Variants in CHAT observed in about 807,000 individuals in gnomAD.
CHAT encodes the protein acetyl CoA:choline O-acetyltransferase.
CHAT carries 61 observed loss-of-function variants against 76.9 expected under a neutral mutation model. That is an observed-to-expected ratio of 0.79 (90% CI 0.65 to 0.98). The LOEUF (loss-of-function observed/expected upper bound fraction) is 0.98. Ranked by LOEUF, CHAT falls within the 50% of genes least tolerant of loss-of-function variation. CHAT has a pLI of 0.00. For missense variants in CHAT, 946 were observed against 986.9 expected (o/e 0.96, Z 0.56); for synonymous variants, 407 against 397.4 (o/e 1.02, Z -0.29).
At position 49,656,916 on chromosome 10, in the gene CHAT, A is replaced by G. The variant is rs139980067; in HGVS notation, c.1839+1468A>G. ...TCTTGGTGGAAGAAACTCTTCGCGC[A>G]TGGTGGACTGCACACAGGGTTACTG... On this transcript the variant is annotated intron_variant, in intron 13 of 14. Transcript: ENST00000337653. Among the ~76,000 whole-genome samples the G allele has an allele frequency of 1.8e-3, 269 of 152,256 alleles. 1 individual carries two copies. Among genetic ancestry groups the G allele is most frequent in the African/African-American group, 5.9e-3 (247 of 41,560 alleles).
chr10:49,629,010 GTCCGGCC>G, intron 7 of CHAT, among the ~76,000 whole-genome samples: 1 of 152,404 alleles, frequency 6.6e-6, no homozygotes, highest in South Asian at 2.1e-4. Flanking sequence ...CAGCCCAGGT[GTCCGGCC>G]TCAGGCCTGC....
intron 2 of CHAT, among the ~76,000 whole-genome samples, chr10:49,617,001 C>G (rs1190253084): frequency 6.6e-6 from 1 of 152,196 alleles, no homozygotes; most frequent in Non-Finnish European, 1.5e-5. Flanking sequence ...ACTAGTTCAG[C>G]CTTGGAGCCT....
intron 6 of CHAT, 42 bp from the exon 7 acceptor site, chr10:49,627,566 G>A: frequency 6.2e-7 from 1 of 1,607,196 alleles, no homozygotes; most frequent in Non-Finnish European, 8.5e-7. Context: ...TGGTGCCACG[G>A]GCCACCCAAC....
At chr10:49,638,707 C>A (rs892589716) in intron 7 of CHAT, among the ~76,000 whole-genome samples, 3 of 152,140 alleles carry the variant, frequency 2.0e-5, no homozygotes, top group African/African-American at 7.2e-5. Flanking sequence ...AAGCTTACCA[C>A]CTTTTATTCT....
chr10:49,633,958 G>C lies in CHAT; in HGVS notation c.1111+6173G>C, dbSNP rs1374781944. Among the ~76,000 whole-genome samples, 10 of 152,316 alleles carry C rather than the reference G, an allele frequency of 6.6e-5. No individual in the cohort carries two copies. In the East Asian group the frequency reaches 1.9e-3, roughly 29 times the overall value. ...TTTACAAGAACCACTCAGGATGGGG[G>C]CATTTTGCTATTTACGTATCGTCAT... On this transcript the variant is annotated intron_variant, in intron 7 of 14. Coordinates refer to ENST00000337653, the MANE Select transcript of CHAT (RefSeq NM_020549.5).
chr10:49,626,241 G>T (rs1438773485), intron 6 of CHAT, among the ~76,000 whole-genome samples: 1 of 152,196 alleles, frequency 6.6e-6, no homozygotes, highest in Non-Finnish European at 1.5e-5. Context: ...CTCAGACTGG[G>T]TTCCACAGAG....
At chr10:49,649,894 T>C (rs1451244845) in intron 10 of CHAT, among the ~76,000 whole-genome samples, 7 of 96,314 alleles carry the variant, frequency 7.3e-5, no homozygotes, top group South Asian at 3.4e-4. Context: ...TTTTTTTTTT[T>C]CAGTTTCACC....
chr10:49,632,363 G>T (rs1839154803), intron 7 of CHAT, among the ~76,000 whole-genome samples: 1 of 152,172 alleles, frequency 6.6e-6, no homozygotes, highest in East Asian at 1.9e-4. Flanking sequence ...GTTGCCTAGT[G>T]TGGCTGTTGG....
At chr10:49,640,571 G>C (rs1221423473) in intron 7 of CHAT, among the ~76,000 whole-genome samples, 1 of 152,162 alleles carries the variant, frequency 6.6e-6, no homozygotes, top group Non-Finnish European at 1.5e-5. Context: ...CGGAGGGCTG[G>C]TTATTGCTCA....
At chr10:49,611,901 A>C, upstream of CHAT, 1 of 1,611,596 alleles carries the variant, frequency 6.2e-7, no homozygotes. Flanking sequence ...TGGTCTCACT[A>C]TGCGGCCTCT....
At chr10:49,660,293 T>C (rs1389386027) in intron 13 of CHAT, among the ~76,000 whole-genome samples, 1 of 151,896 alleles carries the variant, frequency 6.6e-6, no homozygotes, top group Non-Finnish European at 1.5e-5. Context: ...ACAAAACAAT[T>C]AGCCAGGTGT....
chr10:49,641,764 T>C (rs1299269752), intron 7 of CHAT, among the ~76,000 whole-genome samples: 1 of 152,174 alleles, frequency 6.6e-6, no homozygotes, highest in Non-Finnish European at 1.5e-5. Context: ...GGGATGGGCA[T>C]GGCATAGAAA....
At chr10:49,614,508 C>A (rs1316219747) in intron 1 of CHAT, 33 bp downstream of exon 1, 5 of 1,479,752 alleles carry the variant, frequency 3.4e-6, no homozygotes, top group Non-Finnish European at 3.6e-6. Flanking sequence ...GCTGGCGGAG[C>A]GCGGTGCCGG....
chr10:49,648,058 A>G, intron 8 of CHAT: 2 of 215,876 alleles, frequency 9.3e-6, no homozygotes, highest in South Asian at 7.8e-5. Flanking sequence ...GTTTGGGGAG[A>G]AGCTCTGTGG....
rs1241478181 is a variant in CHAT at position 49,662,763 on chromosome 10, T to G, written c.1958T>G (p.Phe653Cys). 6.2e-7 allele frequency: 1 copy of G among 1,614,058 alleles called. No homozygotes were observed. The highest frequency in any genetic ancestry group is 1.3e-5 in the African/African-American group (1 of 74,906). Residue 653 changes from phenylalanine to cysteine, a missense_variant, in exon 14 of 15, where the codon TTT (phenylalanine) becomes TGT (cysteine). Physicochemically the swap from Phe to Cys is radical, Grantham distance 205. Around this residue, in one of 3 missense-constraint regions of CHAT, gnomAD observed 349 missense variants for 393.9 expected, o/e 0.89. Coordinates refer to ENST00000337653, the MANE Select transcript of CHAT (RefSeq NM_020549.5). ...MDETYLMSNR[F>C]VLSTSQVPTT... ...GAAACCTACCTGATGAGCAACCGGT[T>G]TGTCCTCTCCACTAGCCAGGTACGG...
chr10:49,640,126 T>G (rs1275116383), intron 7 of CHAT, among the ~76,000 whole-genome samples: 2 of 151,986 alleles, frequency 1.3e-5, no homozygotes, highest in Non-Finnish European at 2.9e-5. Context: ...AATTGCTTGT[T>G]GAGGCTTTTT....
In CHAT at chr10:49,667,319, G is replaced by A. The variant is rs1840360109; in HGVS notation, c.*2273G>A. ...CTTTGGGATGACATTACCCCAGTGGGCATTGTTTGGGTGGTTTTCTTTTAA... is the reference window on the plus strand; with the variant it reads ...CTTTGGGATGACATTACCCCAGTGGACATTGTTTGGGTGGTTTTCTTTTAA... On this transcript the variant is annotated 3_prime_UTR_variant, in exon 15 of 15. Transcript: ENST00000337653. Among the ~76,000 whole-genome samples, 1 of 152,156 alleles carries A rather than the reference G, an allele frequency of 6.6e-6. No homozygotes were observed. The highest frequency in any genetic ancestry group is 2.4e-5 in the African/African-American group (1 of 41,414).
intron 11 of CHAT, among the ~76,000 whole-genome samples, chr10:49,652,389 TGCTAAGGAAATGGAACCAGCA>T (rs1839908480): frequency 6.6e-6 from 1 of 152,108 alleles, no homozygotes; most frequent in African/African-American, 2.4e-5. Flanking sequence ...TTCCCAATCT[TGCTAAGGAAATGGAACCAGCA>T]GCTCCCCCAG....
chr10:49,653,636 A>G (rs1839947859), intron 11 of CHAT, among the ~76,000 whole-genome samples: 1 of 152,218 alleles, frequency 6.6e-6, no homozygotes, highest in Admixed American at 6.5e-5. Flanking sequence ...ATGTCATCCC[A>G]CATGAGGACT....
Sources: gnomAD v4.1 joint callset for allele counts (sites outside exome capture counted in the v4.1 genomes callset) on GRCh38, gnomAD v4.1.1 for gene constraint, gnomAD v4.1.1 regional missense constraint, MANE v1.5 for transcripts, NCBI Gene and HGNC (gene_info 2026-07-23, HGNC 2026-07-21) for gene names.